HNRNPC: variants seen among roughly 807,000 people sequenced by gnomAD.
HNRNPC encodes the protein heterogeneous nuclear ribonucleoproteins C1/C2.
HNRNPC carries 3 observed loss-of-function variants against 33.2 expected under a neutral mutation model. The observed-to-expected ratio is 0.09, with a 90% CI of 0.04 to 0.23. The LOEUF (loss-of-function observed/expected upper bound fraction) is 0.23. Ranked by LOEUF, HNRNPC falls within the 10% of genes least tolerant of loss-of-function variation. The pLI is 1.00. For synonymous variants in HNRNPC, 121 were observed against 126.7 expected, an observed-to-expected ratio of 0.96 and a Z score of 0.30; for missense variants, 143 against 366.7, an observed-to-expected ratio of 0.39 and a Z score of 4.98.
chr14:21,237,795 T>G (rs1209030216), intron 2 of HNRNPC, among the ~76,000 whole-genome samples: 1 of 152,148 alleles, frequency 6.6e-6, no homozygotes, highest in African/African-American at 2.4e-5. Flanking sequence ...TTTTTTGAGT[T>G]GGAGTTTCAC....
At chr14:21,213,165 C>G in intron 5 of HNRNPC, 48 bp from the exon 6 acceptor site, 1 of 1,562,632 alleles carries the variant, frequency 6.4e-7, no homozygotes, top group Non-Finnish European at 8.8e-7. Flanking sequence ...AACATTAACT[C>G]AGCACAATTC....
Position 21,230,333 on chromosome 14 carries a change from C to T in HNRNPC, c.351G>A (p.Arg117=), listed in dbSNP as rs1411554448. 1.5e-5 allele frequency: 24 copies of T among 1,607,794 alleles called. No individual in the cohort carries two copies. The highest frequency in any genetic ancestry group is 2.0e-5 in the Non-Finnish European group (24 of 1,174,886). The change falls in exon 5 of 9, where the codon CGG becomes CGA. Residue 117 remains arginine (R), a synonymous_variant. Transcript: ENST00000553300. ...SSFDLDYDFQ[R]DYYDRMYSYP... is the part of the protein sequence containing the mutation. ...TTTTAACATACCTATCATAATAGTCCCGTTGAAAGTCATAGTCCAAGTCAA... is the reference window on the plus strand; with the variant it reads ...TTTTAACATACCTATCATAATAGTCTCGTTGAAAGTCATAGTCCAAGTCAA...
chr14:21,236,059 C>A (rs1050204825), intron 2 of HNRNPC, among the ~76,000 whole-genome samples: 5 of 152,038 alleles, frequency 3.3e-5, no homozygotes, highest in Non-Finnish European at 7.4e-5. Flanking sequence ...GAGTACATAG[C>A]TAGTATTATT....
At chr14:21,265,973 A>T (rs887544646) in intron 1 of HNRNPC, among the ~76,000 whole-genome samples, 1 of 152,192 alleles carries the variant, frequency 6.6e-6, no homozygotes, top group Non-Finnish European at 1.5e-5. Flanking sequence ...AGACTTACTT[A>T]ATTAGAAACC....
At chr14:21,241,785 C>T (rs1895371795) in intron 2 of HNRNPC, among the ~76,000 whole-genome samples, 1 of 152,208 alleles carries the variant, frequency 6.6e-6, no homozygotes, top group Admixed American at 6.5e-5. Context: ...TAATCAAAAA[C>T]AGTATCTCAA....
At chr14:21,258,297 C>T (rs1877571230) in intron 2 of HNRNPC, among the ~76,000 whole-genome samples, 1 of 151,036 alleles carries the variant, frequency 6.6e-6, no homozygotes, top group African/African-American at 2.4e-5. Context: ...GGCGGAGGCA[C>T]AAGAATCGCT....
intron 2 of HNRNPC, among the ~76,000 whole-genome samples, chr14:21,249,937 G>A (rs895642896): frequency 6.6e-6 from 1 of 152,054 alleles, no homozygotes; most frequent in Non-Finnish European, 1.5e-5. Flanking sequence ...CTTCAGTAAG[G>A]TCAATACATC....
rs922645222 is a variant in HNRNPC at position 21,230,707 on chromosome 14, G to A, written c.317+290C>T. On this transcript the variant is annotated intron_variant, in intron 4 of 8. Coordinates refer to ENST00000553300, the MANE Select transcript of HNRNPC (RefSeq NM_004500.4). ...AGTGTCTTAGAAGCTCAACGATCCT[G>A]TATAAGTATTTCAGGTTATGCTATA... 9 of 485,938 alleles carry A rather than the reference G, an allele frequency of 1.9e-5. No individual in the cohort carries two copies. The South Asian group carries it at 3.4e-4, about 18-fold the overall frequency. The allele number at this position is 485,938 out of a possible 1,614,324, so 30.1% of individuals were successfully genotyped here.
intron 3 of HNRNPC, 151 bp from the exon 4 acceptor site, chr14:21,231,223 C>T (rs1894073747): frequency 2.7e-6 from 2 of 746,050 alleles, no homozygotes; most frequent in South Asian, 1.6e-5. Context: ...AAACCTCTAC[C>T]TCCCGGTTCA....
At chr14:21,224,678 C>A (rs1282107336) in intron 5 of HNRNPC, among the ~76,000 whole-genome samples, 1 of 152,112 alleles carries the variant, frequency 6.6e-6, no homozygotes, top group Non-Finnish European at 1.5e-5. Context: ...AAAATACCAT[C>A]TATAGGACAC....
At chr14:21,260,203 A>G (rs1389416110) in intron 2 of HNRNPC, among the ~76,000 whole-genome samples, 1 of 148,264 alleles carries the variant, frequency 6.7e-6, no homozygotes, top group Non-Finnish European at 1.5e-5. Flanking sequence ...CCATCTCAAA[A>G]AAAAAAAAAA....
chr14:21,252,871 T>C (rs1434630793), intron 2 of HNRNPC, among the ~76,000 whole-genome samples: 2 of 152,102 alleles, frequency 1.3e-5, no homozygotes, highest in Admixed American at 6.6e-5. Context: ...TGTGAAATTT[T>C]TTCACAATTA....
At chr14:21,255,300 GAA>G (rs1386419628) in intron 2 of HNRNPC, among the ~76,000 whole-genome samples, 1 of 152,094 alleles carries the variant, frequency 6.6e-6, no homozygotes, top group East Asian at 1.9e-4. Flanking sequence ...AATATAATTA[GAA>G]AACAGGAAGA....
intron 2 of HNRNPC, chr14:21,254,732 C>G (rs1413156543): frequency 6.6e-6 from 1 of 152,066 alleles, no homozygotes; most frequent in Non-Finnish European, 1.5e-5. Flanking sequence ...ATGGTGAAAC[C>G]CTGTCTCTTG....
intron 5 of HNRNPC, chr14:21,213,323 TA>T (rs1891822889): frequency 1.9e-6 from 1 of 539,514 alleles, no homozygotes; most frequent in Non-Finnish European, 3.2e-6. Flanking sequence ...AAAATAGTTG[TA>T]ATACTGTAGC....
At chr14:21,260,606 G>A (rs1271577223) in intron 2 of HNRNPC, among the ~76,000 whole-genome samples, 1 of 151,764 alleles carries the variant, frequency 6.6e-6, no homozygotes. Context: ...ATCACCTGAG[G>A]TCAGGAACTT....
chr14:21,244,032 T>TA (rs1895664474), intron 2 of HNRNPC, among the ~76,000 whole-genome samples: 1 of 96,502 alleles, frequency 1.0e-5, no homozygotes, highest in South Asian at 3.7e-4. Flanking sequence ...TTCCTCCAAG[T>TA]TTTTTTTTTT....
At position 21,267,091 on chromosome 14, in the gene HNRNPC, G is replaced by GAT. The variant is rs1566654040; in HGVS notation, c.-63+2206_-63+2207insAT. 1.8e-3 allele frequency among the ~76,000 whole-genome samples: 71 copies of GAT among 39,824 alleles called. 1 individual carries two copies. The highest frequency in any genetic ancestry group is 7.3e-3 in the African/African-American group (66 of 8,990). 26.1% of individuals were successfully genotyped at this position (39,824 alleles called of 152,430 possible). A position where few individuals can be genotyped will look rare whatever the true frequency, so the allele number is the denominator to read the frequency against. ...GCCTAGGGCGACAGAGCGAGACTCC[G>GAT]TCTCAAAAAAAAAAAAAAAAAAAAA... On this transcript the variant is annotated intron_variant, in intron 1 of 8. Coordinates refer to ENST00000553300, the MANE Select transcript of HNRNPC (RefSeq NM_004500.4).
chr14:21,218,135 G>C (rs979886816), intron 5 of HNRNPC, among the ~76,000 whole-genome samples: 1 of 152,092 alleles, frequency 6.6e-6, no homozygotes, highest in Non-Finnish European at 1.5e-5. Flanking sequence ...GCTAGTTTTT[G>C]TAATTTTAGT....
Sources: gnomAD v4.1 joint callset for allele counts (sites outside exome capture counted in the v4.1 genomes callset) on GRCh38, gnomAD v4.1.1 for gene constraint, MANE v1.5 for transcripts, NCBI Gene and HGNC (gene_info 2026-07-23, HGNC 2026-07-21) for gene names.